Variants in NRXN1 observed in about 807,000 individuals in gnomAD.
NRXN1 encodes neurexin-1.
A neutral mutation model predicts 150.9 loss-of-function variants in NRXN1; 39 were observed. The observed-to-expected ratio is 0.26, with a 90% CI of 0.20 to 0.34. NRXN1 has a LOEUF of 0.34. Ranked by LOEUF, NRXN1 falls within the 10% of genes least tolerant of loss-of-function variation. NRXN1 has a pLI of 1.00. For missense variants in NRXN1, 1,815 were observed against 1,949.9 expected, an observed-to-expected ratio of 0.93 and a Z score of 1.30; for synonymous variants, 924 against 757.0, an observed-to-expected ratio of 1.22 and a Z score of -3.62.
At chr2:50,932,965 C>T (rs1032934270) in intron 2 of NRXN1, among the ~76,000 whole-genome samples, 1 of 151,352 alleles carries the variant, frequency 6.6e-6, no homozygotes, top group African/African-American at 2.4e-5. Context: ...GCTTAATTTC[C>T]TTTATTAAAG....
rs202178872 is a variant in NRXN1, at chr2:50,091,509, G to A, written c.3547-15C>T. 7 of 1,613,380 alleles carry A rather than the reference G, an allele frequency of 4.3e-6. No individual in the cohort carries two copies. Among genetic ancestry groups the A allele is most frequent in the Non-Finnish European group, 5.1e-6 (6 of 1,179,676 alleles). Reference sequence around the variant, plus strand: ...TTTCCCTGGTGCTGTAAGAGAGGAGGGGAAAAAAGAGTTGAATTAAGTTGA... The same window carrying A: ...TTTCCCTGGTGCTGTAAGAGAGGAGAGGAAAAAAGAGTTGAATTAAGTTGA... On this transcript the variant is annotated splice_polypyrimidine_tract_variant and intron_variant, in intron 18 of 22. Transcript: ENST00000401669.
At position 49,921,876 on chromosome 2, in the gene NRXN1, A is replaced by C. The variant is rs973477294; in HGVS notation, c.*68T>G. On this transcript the variant is annotated 3_prime_UTR_variant, in exon 23 of 23. Coordinates refer to ENST00000401669, the MANE Select transcript of NRXN1 (RefSeq NM_001330078.2). The stretch of plus-strand genomic sequence containing the variant: ...GTGCTTCATAAAAAGGAAAGTAAAT[A>C]AGTTTATATTATGTCTCAGATAAAA... 1 of 1,488,068 alleles carries C rather than the reference A, an allele frequency of 6.7e-7. No homozygotes were observed. The highest frequency in any genetic ancestry group is 9.3e-7 in the Non-Finnish European group (1 of 1,077,120). 92.2% of individuals were successfully genotyped at this position (1,488,068 alleles called of 1,614,324 possible).
At chr2:50,137,083 A>C (rs933651138) in intron 18 of NRXN1, among the ~76,000 whole-genome samples, 2 of 152,216 alleles carry the variant, frequency 1.3e-5, no homozygotes, top group Non-Finnish European at 2.9e-5. Flanking sequence ...TAAAAGACAA[A>C]CCAAGTAGAT....
chr2:50,988,235 G>T (rs994350736), intron 2 of NRXN1, among the ~76,000 whole-genome samples: 6 of 151,838 alleles, frequency 4.0e-5, no homozygotes, highest in African/African-American at 1.4e-4. Context: ...TATTCCTGTG[G>T]CATAAACCAG....
chr2:50,922,134 A>G (rs1337807205), intron 4 of NRXN1, among the ~76,000 whole-genome samples: 1 of 151,884 alleles, frequency 6.6e-6, no homozygotes, highest in Non-Finnish European at 1.5e-5. Flanking sequence ...AAAAGATCAC[A>G]CAAAAGAGAG....
chr2:49,940,796 A>G (rs1296627104), intron 22 of NRXN1, among the ~76,000 whole-genome samples: 1 of 152,242 alleles, frequency 6.6e-6, no homozygotes, highest in African/African-American at 2.4e-5. Context: ...TCAGAAATCG[A>G]AAGTGAAACA....
In NRXN1 at chr2:50,926,370, G is replaced by T. The variant is rs796255995; in HGVS notation, c.773-415C>A. Among the ~76,000 whole-genome samples the T allele has an allele frequency of 2.0e-5, 3 of 151,834 alleles. 1 individual carries two copies. Among genetic ancestry groups the T allele is most frequent in the African/African-American group, 7.2e-5 (3 of 41,450 alleles). On this transcript the variant is annotated intron_variant, in intron 2 of 22. Transcript: ENST00000401669. Reference sequence around the variant, plus strand: ...GCCTTAGATTTTAAGAAGTCTATTGGAAAGAGCTATGAAATTTCACTTAAA... The same window carrying T: ...GCCTTAGATTTTAAGAAGTCTATTGTAAAGAGCTATGAAATTTCACTTAAA...
At chr2:50,335,894 T>G (rs913644097) in intron 17 of NRXN1, among the ~76,000 whole-genome samples, 1 of 151,952 alleles carries the variant, frequency 6.6e-6, no homozygotes, top group Non-Finnish European at 1.5e-5. Flanking sequence ...CTTTCTGTTT[T>G]TTTTTTTTTT....
At chr2:50,865,579 A>AATGTGTGTGTGT (rs1676765272) in intron 5 of NRXN1, among the ~76,000 whole-genome samples, 1 of 93,880 alleles carries the variant, frequency 1.1e-5, no homozygotes, top group Non-Finnish European at 2.1e-5. Flanking sequence ...CAAATATATA[A>AATGTGTGTGTGT]ATGTGTGTGT....
At chr2:50,429,876 AT>A (rs776278236) in intron 17 of NRXN1, among the ~76,000 whole-genome samples, 3 of 152,184 alleles carry the variant, frequency 2.0e-5, no homozygotes, top group Non-Finnish European at 4.4e-5. Context: ...CTAAAAAGTG[AT>A]CAAAATACCT....
chr2:50,530,468 CA>C (rs2093069731), intron 11 of NRXN1, among the ~76,000 whole-genome samples: 1 of 152,146 alleles, frequency 6.6e-6, no homozygotes, highest in South Asian at 2.1e-4. Flanking sequence ...ACTGCTTAAA[CA>C]AATTTTAAAA....
At chr2:50,150,389 G>A (rs1026071542) in intron 18 of NRXN1, among the ~76,000 whole-genome samples, 19 of 151,830 alleles carry the variant, frequency 1.3e-4, no homozygotes, top group African/African-American at 4.6e-4. Context: ...TTAGACATCA[G>A]AACTAGCAAA....
At chr2:50,163,585 G>A (rs1329841116) in intron 18 of NRXN1, among the ~76,000 whole-genome samples, 1 of 151,996 alleles carries the variant, frequency 6.6e-6, no homozygotes, top group Non-Finnish European at 1.5e-5. Context: ...TGTCTTATAT[G>A]GTTTTTACAG....
chr2:50,366,997 A>G (rs1475380278), intron 17 of NRXN1, among the ~76,000 whole-genome samples: 1 of 151,976 alleles, frequency 6.6e-6, no homozygotes, highest in African/African-American at 2.4e-5. Flanking sequence ...TGAAAGGATG[A>G]TTACTTAGAT....
intron 12 of NRXN1, among the ~76,000 whole-genome samples, chr2:50,515,507 A>G (rs1402713244): frequency 6.6e-6 from 1 of 151,926 alleles, no homozygotes; most frequent in Admixed American, 6.6e-5. Flanking sequence ...ACACAAATCA[A>G]TTGCAAAGTC....
chr2:50,635,064 G>A (rs1003764917), intron 5 of NRXN1, among the ~76,000 whole-genome samples: 27 of 152,038 alleles, frequency 1.8e-4, no homozygotes, highest in Non-Finnish European at 2.6e-4. Flanking sequence ...GAGTAATACC[G>A]GCTAGGTGGC....
intron 21 of NRXN1, among the ~76,000 whole-genome samples, chr2:49,995,529 C>G (rs537360125): frequency 6.6e-6 from 1 of 152,054 alleles, no homozygotes; most frequent in South Asian, 2.1e-4. Context: ...CGCCTCTAAT[C>G]CCAGCACTTT....
rs1376690551 is a variant in NRXN1 at position 49,920,135 on chromosome 2, G to A, written c.*1809C>T. ...TCATTGAATAATATGCAAAACAAGT[G>A]TATAATCTATACTTTTCCACTACTT... On this transcript the variant is annotated 3_prime_UTR_variant, in exon 23 of 23. Transcript: ENST00000401669. 1 of 152,010 alleles carries A rather than the reference G, an allele frequency of 6.6e-6. No homozygotes were observed. The highest frequency in any genetic ancestry group is 1.5e-5 in the Non-Finnish European group (1 of 67,978). 9.4% of individuals were successfully genotyped at this position (152,010 alleles called of 1,614,324 possible).
chr2:49,941,136 T>A (rs1035600621), intron 22 of NRXN1, among the ~76,000 whole-genome samples: 2 of 151,946 alleles, frequency 1.3e-5, no homozygotes, highest in Non-Finnish European at 2.9e-5. Flanking sequence ...TCCTGCTTCA[T>A]GGAATTTACC....
Sources: gnomAD v4.1 joint callset for allele counts (sites outside exome capture counted in the v4.1 genomes callset) on GRCh38, gnomAD v4.1.1 for gene constraint, MANE v1.5 for transcripts, NCBI Gene and HGNC (gene_info 2026-07-23, HGNC 2026-07-21) for gene names.